Variants in BCL2L1 observed in about 807,000 individuals in gnomAD.
BCL2L1 encodes the protein BCL2 like 1.
A neutral mutation model predicts 18.7 loss-of-function variants in BCL2L1; 1 was observed. That is an observed-to-expected ratio of 0.05 (90% confidence interval 0.02 to 0.25). BCL2L1 has a LOEUF of 0.25. BCL2L1 is among the 10% of genes least tolerant of loss of function. The pLI is 1.00. For synonymous variants in BCL2L1, 103 were observed against 122.7 expected, an observed-to-expected ratio of 0.84 and a Z score of 1.06; for missense variants, 207 against 304.9, an observed-to-expected ratio of 0.68 and a Z score of 2.39.
At chr20:31,669,402 A>G (rs1469058866) in intron 2 of BCL2L1, among the ~76,000 whole-genome samples, 1 of 150,194 alleles carries the variant, frequency 6.7e-6, no homozygotes, top group African/African-American at 2.5e-5. Flanking sequence ...TGTACTTCTC[A>G]TAACTAGATT....
intron 2 of BCL2L1, among the ~76,000 whole-genome samples, chr20:31,680,372 T>C (rs1357557368): frequency 6.6e-6 from 1 of 152,168 alleles, no homozygotes; most frequent in African/African-American, 2.4e-5. Flanking sequence ...TACATGGAAG[T>C]AGCATTCCCC....
intron 2 of BCL2L1, 178 bp downstream of exon 2, chr20:31,721,469 GCACAGGGT>G: frequency 1.5e-6 from 1 of 679,392 alleles, no homozygotes; most frequent in Non-Finnish European, 2.4e-6. Context: ...GATCTCTGAA[GCACAGGGT>G]CATTTGTATT....
At chr20:31,688,065 G>T (rs1033260844) in intron 2 of BCL2L1, among the ~76,000 whole-genome samples, 2 of 152,058 alleles carry the variant, frequency 1.3e-5, no homozygotes, top group South Asian at 4.1e-4. Flanking sequence ...ATAATGTGCT[G>T]GTGCCTGGCA....
At position 31,665,681 on chromosome 20, in the gene BCL2L1, C is replaced by G. The variant is rs2060575693; in HGVS notation, c.*268G>C. 1 of 509,298 alleles carries G rather than the reference C, an allele frequency of 2.0e-6. No homozygotes were observed. Among genetic ancestry groups the G allele is most frequent in the East Asian group, 3.4e-5 (1 of 29,576 alleles). 31.5% of individuals were successfully genotyped at this position (509,298 alleles called of 1,614,324 possible). A position where few individuals can be genotyped will look rare whatever the true frequency, so the allele number is the denominator to read the frequency against. Reference sequence around the variant, plus strand: ...GGCCCTCCTGCCCCCAGCCACAAACCCTTCCATACCTGCCAGCCTCCTTTG... The same window carrying G: ...GGCCCTCCTGCCCCCAGCCACAAACGCTTCCATACCTGCCAGCCTCCTTTG... On this transcript the variant is annotated 3_prime_UTR_variant, in exon 3 of 3. Coordinates refer to ENST00000307677, the MANE Select transcript of BCL2L1 (RefSeq NM_138578.3).
chr20:31,699,628 T>C (rs2061244054), intron 2 of BCL2L1, among the ~76,000 whole-genome samples: 1 of 152,266 alleles, frequency 6.6e-6, no homozygotes, highest in South Asian at 2.1e-4. Context: ...CAATCCTTCA[T>C]TTATTCCAAG....
intron 2 of BCL2L1, among the ~76,000 whole-genome samples, chr20:31,704,003 G>C (rs2061329602): frequency 6.7e-6 from 1 of 150,102 alleles, no homozygotes; most frequent in Non-Finnish European, 1.5e-5. Flanking sequence ...TCGCCATATT[G>C]GTCAGGCTGG....
At chr20:31,707,920 G>A (rs975446357) in intron 2 of BCL2L1, among the ~76,000 whole-genome samples, 21 of 152,176 alleles carry the variant, frequency 1.4e-4, no homozygotes, top group African/African-American at 3.6e-4. Flanking sequence ...ACTCAACAAC[G>A]GTTTGTCAAA....
At chr20:31,692,696 G>T (rs1485845827) in intron 2 of BCL2L1, among the ~76,000 whole-genome samples, 4 of 152,050 alleles carry the variant, frequency 2.6e-5, no homozygotes. Context: ...GGATCACGAG[G>T]TCAGGAGTTC....
chr20:31,678,483 T>C (rs986192053), intron 2 of BCL2L1, among the ~76,000 whole-genome samples: 12 of 152,186 alleles, frequency 7.9e-5, no homozygotes, highest in African/African-American at 2.7e-4. Context: ...AAGTAACTCA[T>C]GCAGACAGAT....
At chr20:31,680,877 G>GT (rs2060848224) in intron 2 of BCL2L1, among the ~76,000 whole-genome samples, 1 of 152,234 alleles carries the variant, frequency 6.6e-6, no homozygotes, top group Non-Finnish European at 1.5e-5. Flanking sequence ...ATGGAAGAAG[G>GT]TAAGATTAGA....
intron 2 of BCL2L1, among the ~76,000 whole-genome samples, chr20:31,714,134 G>C (rs565466118): frequency 6.6e-6 from 1 of 152,316 alleles, no homozygotes; most frequent in East Asian, 1.9e-4. Flanking sequence ...CAACAGGAGA[G>C]AGCCATTTTA....
chr20:31,683,769 C>CAAAAAAAAAAAAAAAAAAAAAAA (rs372160646), intron 2 of BCL2L1, among the ~76,000 whole-genome samples: 1 of 80,668 alleles, frequency 1.2e-5, no homozygotes, highest in Non-Finnish European at 2.9e-5. Flanking sequence ...AACTCCATCT[C>CAAAAAAAAAAAAAAAAAAAAAAA]AAAAAAAAAA....
intron 2 of BCL2L1, among the ~76,000 whole-genome samples, chr20:31,702,147 C>T (rs2061287551): frequency 6.6e-6 from 1 of 152,130 alleles, no homozygotes; most frequent in Non-Finnish European, 1.5e-5. Flanking sequence ...ATGTAGGCCT[C>T]AGAAAGGAAA....
At chr20:31,702,555 C>T (rs1261009327) in intron 2 of BCL2L1, among the ~76,000 whole-genome samples, 1 of 151,660 alleles carries the variant, frequency 6.6e-6, no homozygotes, top group Non-Finnish European at 1.5e-5. Flanking sequence ...CTCTTGTTGC[C>T]CAGGGTGGAG....
chr20:31,706,033 A>G (rs1369120296), intron 2 of BCL2L1, among the ~76,000 whole-genome samples: 1 of 152,114 alleles, frequency 6.6e-6, no homozygotes, highest in Non-Finnish European at 1.5e-5. Context: ...CTGACATGGT[A>G]ACCCCTAGGG....
intron 2 of BCL2L1, among the ~76,000 whole-genome samples, chr20:31,679,287 C>A (rs1458217008): frequency 6.6e-6 from 1 of 152,210 alleles, no homozygotes; most frequent in Admixed American, 6.5e-5. Flanking sequence ...GGAAGCAACT[C>A]ACTGTCCCAC....
rs549450752 is a variant in BCL2L1, at chr20:31,715,129, G to A, written c.564+6526C>T. Reference sequence around the variant, plus strand: ...CTACTAAAAATACCAAAAATTAGCCGGGTGTGGTGGCGGGCACCTGCAGTC... The same window carrying A: ...CTACTAAAAATACCAAAAATTAGCCAGGTGTGGTGGCGGGCACCTGCAGTC... On this transcript the variant is annotated intron_variant, in intron 2 of 2. Coordinates refer to ENST00000307677, the MANE Select transcript of BCL2L1 (RefSeq NM_138578.3). 5.8e-4 allele frequency among the ~76,000 whole-genome samples: 88 copies of A among 152,114 alleles called. 1 individual carries two copies. The highest frequency in any genetic ancestry group is 1.9e-3 in the African/African-American group (80 of 41,488).
At chr20:31,715,935 G>C (rs2061528005) in intron 2 of BCL2L1, among the ~76,000 whole-genome samples, 1 of 151,926 alleles carries the variant, frequency 6.6e-6, no homozygotes, top group Non-Finnish European at 1.5e-5. Flanking sequence ...AGGCTCAAGT[G>C]ATCCTCCCAC....
chr20:31,720,552 T>C (rs2061606807), intron 2 of BCL2L1: 1 of 985,278 alleles, frequency 1.0e-6, no homozygotes, highest in Admixed American at 6.2e-5. Flanking sequence ...TTCACCACCA[T>C]CTCATCCTGG....
Sources: allele counts gnomAD v4.1 joint callset (sites outside exome capture counted in the v4.1 genomes callset), GRCh38; gene constraint gnomAD v4.1.1; transcripts MANE v1.5; gene names NCBI Gene and HGNC (gene_info 2026-07-23, HGNC 2026-07-21).